TRIO: variants seen among roughly 807,000 people sequenced by gnomAD.
TRIO encodes the protein trio Rho guanine nucleotide exchange factor.
Under a neutral mutation model 351.9 loss-of-function variants are expected in TRIO, and 58 were observed. The observed-to-expected ratio is 0.16, with a 90% CI of 0.13 to 0.21. The LOEUF is 0.21. TRIO is among the 10% of genes least tolerant of loss of function. The probability of loss-of-function intolerance (pLI) is 1.00; values close to 1 mark genes in which losing one functional copy is unlikely to be tolerated. For missense variants in TRIO, 3,201 were observed against 4,027.8 expected (o/e 0.79, Z 5.56); for synonymous variants, 1,758 against 1,595.7 (o/e 1.10, Z -2.42).
At chr5:14,311,418 A>G (rs986828578) in intron 8 of TRIO, among the ~76,000 whole-genome samples, 1 of 152,252 alleles carries the variant, frequency 6.6e-6, no homozygotes, top group Non-Finnish European at 1.5e-5. Context: ...TGCCTGGAGA[A>G]GGAACCAGCT....
At chr5:14,304,615 A>G in intron 8 of TRIO, 23 bp downstream of exon 8, 2 of 1,598,982 alleles carry the variant, frequency 1.3e-6, no homozygotes, top group Non-Finnish European at 1.7e-6. Context: ...TTTTACTTAC[A>G]TTGCAAAGCA....
Position 14,290,847 on chromosome 5 carries a change from T to G in TRIO, c.672T>G (p.Ile224Met). The G allele has an allele frequency of 1.2e-6, 2 of 1,614,126 alleles. No individual in the cohort carries two copies. The highest frequency in any genetic ancestry group is 1.7e-6 in the Non-Finnish European group (2 of 1,180,014). Residue 224 changes from isoleucine to methionine, a missense_variant, in exon 5 of 57, where the codon ATT becomes ATG. Coordinates refer to ENST00000344204, the MANE Select transcript of TRIO (RefSeq NM_007118.4). Reference protein sequence around the residue: ...IEIRVAFEDYISNATHMLSRL... With the variant: ...IEIRVAFEDYMSNATHMLSRL... ...TCAGAGTTGCTTTTGAAGACTACAT[T>G]AGCAATGCCACCCACATGCTGTCTC... is the stretch of plus-strand genomic sequence containing the variant.
At position 14,487,830 on chromosome 5, in the gene TRIO, G is replaced by A; in HGVS notation, c.7202G>A (p.Gly2401Glu). ...SRRPPGADAE[G>E]SEREAEPIPK... ...CGGCCCCCCGGCGCGGACGCCGAGG[G>A]GTCCGAGCGAGAAGCGGAGCCGATC... Residue 2401 changes from glycine to glutamate, a missense_variant, in exon 48 of 57, where the codon GGG becomes GAG. By Grantham distance (98) the Gly-to-Glu change is moderately conservative. Coordinates refer to ENST00000344204, the MANE Select transcript of TRIO (RefSeq NM_007118.4). The A allele has an allele frequency of 6.7e-7, 1 of 1,500,974 alleles. No homozygotes were observed. The highest frequency in any genetic ancestry group is 1.2e-5 in the South Asian group (1 of 80,200). The allele number at this position is 1,500,974 out of a possible 1,614,324, so 93.0% of individuals were successfully genotyped here. A position where few individuals can be genotyped will look rare whatever the true frequency, so the allele number is the denominator to read the frequency against.
At chr5:14,372,005 T>C (rs1472593476) in intron 18 of TRIO, among the ~76,000 whole-genome samples, 4 of 152,032 alleles carry the variant, frequency 2.6e-5, no homozygotes, top group African/African-American at 4.8e-5. Flanking sequence ...ATTGATTTGG[T>C]TGGGTATGTC....
chr5:14,400,761 C>G (rs533380846), intron 30 of TRIO, among the ~76,000 whole-genome samples: 3 of 152,160 alleles, frequency 2.0e-5, no homozygotes, highest in Non-Finnish European at 4.4e-5. Context: ...GAGACGCTCA[C>G]AGGAAGCGAA....
intron 9 of TRIO, among the ~76,000 whole-genome samples, chr5:14,323,870 T>G (rs1437210737): frequency 6.6e-6 from 1 of 152,256 alleles, no homozygotes; most frequent in African/African-American, 2.4e-5. Flanking sequence ...AGCATAATAT[T>G]GACTATCCTT....
chr5:14,453,826 C>T (rs778021117), intron 34 of TRIO, among the ~76,000 whole-genome samples: 33 of 152,166 alleles, frequency 2.2e-4, no homozygotes, highest in Non-Finnish European at 3.8e-4. Context: ...AGAAAGTTAG[C>T]GATGGGGTGA....
chr5:14,291,288 C>A, intron 5 of TRIO, 60 bp downstream of exon 5: 2 of 1,549,054 alleles, frequency 1.3e-6, no homozygotes, highest in Middle Eastern at 2.0e-4. Context: ...CTGGTGGGTT[C>A]GGGTGGAAGG....
At chr5:14,419,071 A>G (rs541779721) in intron 33 of TRIO, among the ~76,000 whole-genome samples, 3 of 152,092 alleles carry the variant, frequency 2.0e-5, no homozygotes, top group Admixed American at 2.0e-4. Context: ...GAAGGAGGGA[A>G]AGGAACGTCA....
chr5:14,386,808 C>T (rs1746582551), intron 21 of TRIO, among the ~76,000 whole-genome samples: 1 of 152,094 alleles, frequency 6.6e-6, no homozygotes, highest in South Asian at 2.1e-4. Flanking sequence ...TTAGAGAGAG[C>T]TCTCAAACAG....
rs754511053 is a variant in TRIO, at chr5:14,369,465, C to T, written c.3158C>T (p.Thr1053Met). The T allele has an allele frequency of 2.5e-5, 41 of 1,613,992 alleles. No individual in the cohort carries two copies. Among genetic ancestry groups the T allele is most frequent in the South Asian group, 9.9e-5 (9 of 91,088 alleles). The part of the protein sequence containing the change: ...GADKLGPNSE[T>M]DHVTPMISKH... Reference sequence around the variant, plus strand: ...GATAAGCTGGGCCCAAACTCTGAGACGGACCACGTGACGCCCATGATCAGC... The same window carrying T: ...GATAAGCTGGGCCCAAACTCTGAGATGGACCACGTGACGCCCATGATCAGC... The change falls in exon 18 of 57, where the codon ACG becomes ATG. Residue 1053 changes from threonine (T) to methionine (M), a missense_variant. Physicochemically the swap from Thr to Met is moderately conservative, Grantham distance 81. Coordinates refer to ENST00000344204, the MANE Select transcript of TRIO (RefSeq NM_007118.4).
intron 1 of TRIO, among the ~76,000 whole-genome samples, chr5:14,174,910 C>T (rs997283728): frequency 6.6e-6 from 1 of 152,118 alleles, no homozygotes; most frequent in Non-Finnish European, 1.5e-5. Flanking sequence ...TATTTTTAAT[C>T]GACATTAATT....
At chr5:14,236,353 C>T (rs555326168) in intron 1 of TRIO, among the ~76,000 whole-genome samples, 13 of 152,272 alleles carry the variant, frequency 8.5e-5, no homozygotes, top group African/African-American at 2.9e-4. Context: ...AGGGCTTAGT[C>T]TTACAGTAAA....
At chr5:14,377,585 T>G (rs1745675701) in intron 19 of TRIO, among the ~76,000 whole-genome samples, 1 of 152,120 alleles carries the variant, frequency 6.6e-6, no homozygotes. Flanking sequence ...CCTTGTTGAT[T>G]ATTACTCCAC....
Position 14,293,091 on chromosome 5 carries a change from T to C in TRIO, c.1133T>C (p.Met378Thr). 6.2e-7 allele frequency: 1 copy of C among 1,614,166 alleles called. No individual in the cohort carries two copies. The highest frequency in any genetic ancestry group is 1.3e-5 in the African/African-American group (1 of 75,058). The change falls in exon 6 of 57, where the codon ATG becomes ACG. Residue 378 changes from methionine (M) to threonine (T), a missense_variant. By Grantham distance (81) the Met-to-Thr change is moderately conservative. Coordinates refer to ENST00000344204, the MANE Select transcript of TRIO (RefSeq NM_007118.4). ...TEIGTSHPHA[M>T]ELQTQHNHFA... ...ATTGGGACCAGCCACCCTCATGCCA[T>C]GGAGCTTCAGACGCAGCACAATCAC...
chr5:14,179,161 C>A (rs1789595377), intron 1 of TRIO, among the ~76,000 whole-genome samples: 2 of 152,144 alleles, frequency 1.3e-5, no homozygotes, highest in Admixed American at 1.3e-4. Context: ...GTCGGTGTCC[C>A]GTCCTGCCAC....
At chr5:14,373,963 G>A (rs374398854) in intron 18 of TRIO, among the ~76,000 whole-genome samples, 31 of 152,282 alleles carry the variant, frequency 2.0e-4, no homozygotes, top group African/African-American at 6.5e-4. Context: ...CTCCGTGACC[G>A]TAAGCCAGGG....
Position 14,334,731 on chromosome 5 carries a change from G to A in TRIO, c.1855-1805G>A, listed in dbSNP as rs16903404. 5.5e-3 allele frequency among the ~76,000 whole-genome samples: 832 copies of A among 152,330 alleles called. 7 individuals are homozygous for A. The highest frequency in any genetic ancestry group is 0.018 in the African/African-American group (746 of 41,562). On this transcript the variant is annotated intron_variant, in intron 10 of 56. Transcript: ENST00000344204. ...ATAGAGATGCAGACACAGGAGTTCC[G>A]AGGTGACGCTCAGCTGGGGGTAAGC...
In TRIO at chr5:14,374,062, GA is replaced by G. The variant is rs551815213; in HGVS notation, c.3217-166del. Among the ~76,000 whole-genome samples the G allele has an allele frequency of 9.8e-5, 15 of 152,322 alleles. No individual in the cohort carries two copies. The East Asian group carries it at 2.5e-3, about 25-fold the overall frequency. ...CAGAGCGAGGGCTTCAGGAGAGAGA[GA>G]TTTTTTTTTAATTGAATTAGATTTT... On this transcript the variant is annotated intron_variant, in intron 18 of 56. Transcript: ENST00000344204.
Sources: gnomAD v4.1 joint callset for allele counts (sites outside exome capture counted in the v4.1 genomes callset) on GRCh38, gnomAD v4.1.1 for gene constraint, MANE v1.5 for transcripts, NCBI Gene and HGNC (gene_info 2026-07-23, HGNC 2026-07-21) for gene names.